The following NR5A2 variants were observed in gnomAD, a reference collection of about 807,000 sequenced individuals.
NR5A2 encodes the protein nuclear receptor subfamily 5 group A member 2.
NR5A2 carries 26 observed loss-of-function variants against 62.7 expected under a neutral mutation model. The ratio of observed to expected loss-of-function variants is 0.41; its 90% CI spans 0.30 to 0.58. The LOEUF (loss-of-function observed/expected upper bound fraction) is 0.58. NR5A2 is among the 20% of genes least tolerant of loss of function. NR5A2 has a pLI of 0.22. For synonymous variants in NR5A2, 246 were observed against 241.7 expected (o/e 1.02, Z -0.16); for missense variants, 541 against 669.1 (o/e 0.81, Z 2.11).
chr1:200,055,389 T>A (rs183917494), intron 5 of NR5A2, among the ~76,000 whole-genome samples: 23 of 151,616 alleles, frequency 1.5e-4, no homozygotes, highest in African/African-American at 5.6e-4. Flanking sequence ...AGAGATGGGG[T>A]TTCTCCATGT....
At chr1:200,030,097 C>A (rs948297738) in intron 1 of NR5A2, among the ~76,000 whole-genome samples, 5 of 152,112 alleles carry the variant, frequency 3.3e-5, no homozygotes, top group Admixed American at 6.5e-5. Flanking sequence ...GGTAGCCCCA[C>A]TGGGAAGAAC....
intron 1 of NR5A2, among the ~76,000 whole-genome samples, chr1:200,036,692 T>C (rs1661792891): frequency 6.6e-6 from 1 of 152,186 alleles, no homozygotes; most frequent in Non-Finnish European, 1.5e-5. Flanking sequence ...GAAATAGGGC[T>C]GCCCCCAGGG....
chr1:200,062,952 C>A (rs3006246), intron 5 of NR5A2, among the ~76,000 whole-genome samples: 58,447 of 151,760 alleles, frequency 0.39, 15,508 homozygotes, highest in African/African-American at 0.76. Context: ...AATAACAGCA[C>A]TATTGCTATT....
At chr1:200,051,050 T>G (rs1662606620) in intron 5 of NR5A2, among the ~76,000 whole-genome samples, 1 of 152,220 alleles carries the variant, frequency 6.6e-6, no homozygotes, top group Admixed American at 6.5e-5. Flanking sequence ...AGTAGTATGA[T>G]TTTGTTATAA....
chr1:200,037,478 C>T (rs1164196036), intron 1 of NR5A2, among the ~76,000 whole-genome samples: 2 of 152,146 alleles, frequency 1.3e-5, no homozygotes, highest in African/African-American at 4.8e-5. Context: ...GGAGGAGGTT[C>T]TTCTTAATTA....
rs1388279312 is a variant in NR5A2 at position 200,048,151 on chromosome 1, C to T, written c.464-21C>T. On this transcript the variant is annotated intron_variant, in intron 4 of 7. Coordinates refer to ENST00000367362, the MANE Select transcript of NR5A2 (RefSeq NM_205860.3). This position sits in a 1 kb window ranked among gnomAD's most constrained non-coding sequence, Gnocchi z 4.8. The stretch of plus-strand genomic sequence containing the variant: ...CCTTATTTATACCTTTCCTTCCTTC[C>T]CCCCACCCCACCCCCAACAGCTGTA... 1 of 1,569,136 alleles carries T rather than the reference C, an allele frequency of 6.4e-7. No individual in the cohort carries two copies. The highest frequency in any genetic ancestry group is 1.7e-4 in the Middle Eastern group (1 of 5,790).
At chr1:200,080,153 T>C (rs1041227347) in intron 5 of NR5A2, among the ~76,000 whole-genome samples, 5 of 152,186 alleles carry the variant, frequency 3.3e-5, no homozygotes, top group African/African-American at 1.2e-4. Flanking sequence ...GATCCATGAT[T>C]AATTTGCCTA....
At chr1:200,079,701 C>T (rs1445118751) in intron 5 of NR5A2, among the ~76,000 whole-genome samples, 8 of 152,222 alleles carry the variant, frequency 5.3e-5, no homozygotes, top group Non-Finnish European at 1.2e-4. Context: ...TTGCTGAGCT[C>T]TCCAACCTTT....
chr1:200,033,994 C>T (rs898131484), intron 1 of NR5A2, among the ~76,000 whole-genome samples: 4 of 152,208 alleles, frequency 2.6e-5, no homozygotes, highest in Admixed American at 1.3e-4. Context: ...TTGGATCCAT[C>T]CCCTCGCTGC....
intron 7 of NR5A2, among the ~76,000 whole-genome samples, chr1:200,141,604 T>G (rs945864478): frequency 4.6e-5 from 7 of 152,224 alleles, no homozygotes; most frequent in African/African-American, 1.7e-4. Flanking sequence ...AATATAAGTT[T>G]TCATTTCTCT....
At chr1:200,045,104 T>C (rs936050663) in intron 3 of NR5A2, among the ~76,000 whole-genome samples, 7 of 152,174 alleles carry the variant, frequency 4.6e-5, no homozygotes, top group African/African-American at 1.7e-4. Context: ...TGAGTACCTC[T>C]ATCAGGAACA....
At chr1:200,069,835 G>A (rs960075832) in intron 5 of NR5A2, among the ~76,000 whole-genome samples, 1 of 151,632 alleles carries the variant, frequency 6.6e-6, no homozygotes, top group Non-Finnish European at 1.5e-5. Context: ...CTAATTAAGA[G>A]GAACATTGGA....
chr1:200,119,905 G>T (rs548686185), intron 6 of NR5A2, among the ~76,000 whole-genome samples: 1 of 151,922 alleles, frequency 6.6e-6, no homozygotes, highest in South Asian at 2.1e-4. Flanking sequence ...CACCGTGCCC[G>T]GCCAGCACTT....
At chr1:200,065,937 T>C (rs767934616) in intron 5 of NR5A2, among the ~76,000 whole-genome samples, 12 of 152,044 alleles carry the variant, frequency 7.9e-5, no homozygotes, top group Non-Finnish European at 1.3e-4. Context: ...TAAAAATCAA[T>C]GATTGTGGGG....
intron 5 of NR5A2, among the ~76,000 whole-genome samples, chr1:200,087,339 T>C (rs1348219974): frequency 6.6e-6 from 1 of 152,148 alleles, no homozygotes; most frequent in Admixed American, 6.6e-5. Flanking sequence ...TCTTTCCTCA[T>C]GGAGTTTGTC....
intron 7 of NR5A2, among the ~76,000 whole-genome samples, chr1:200,128,815 C>T (rs1405901887): frequency 6.6e-6 from 1 of 152,100 alleles, no homozygotes; most frequent in Non-Finnish European, 1.5e-5. Context: ...TGCAATATGA[C>T]ACTGACATTG....
At chr1:200,082,367 T>C (rs1452797011) in intron 5 of NR5A2, among the ~76,000 whole-genome samples, 1 of 152,236 alleles carries the variant, frequency 6.6e-6, no homozygotes, top group Non-Finnish European at 1.5e-5. Flanking sequence ...AAAAAATATA[T>C]TTTGTTGCTG....
chr1:200,140,118 C>A (rs1453211210), intron 7 of NR5A2, among the ~76,000 whole-genome samples: 1 of 152,146 alleles, frequency 6.6e-6, no homozygotes, highest in Non-Finnish European at 1.5e-5. Context: ...ATAAATATGG[C>A]ATATATGACA....
intron 7 of NR5A2, among the ~76,000 whole-genome samples, chr1:200,137,077 C>T (rs933995916): frequency 5.9e-5 from 9 of 152,006 alleles, no homozygotes; most frequent in Non-Finnish European, 7.4e-5. Flanking sequence ...TCAAGCAGTC[C>T]GCCAGCCTCA....
Sources: gnomAD v4.1 joint callset for allele counts (sites outside exome capture counted in the v4.1 genomes callset) on GRCh38, gnomAD v4.1.1 for gene constraint, Gnocchi (gnomAD v3.1) non-coding constraint, MANE v1.5 for transcripts, NCBI Gene and HGNC (gene_info 2026-07-23, HGNC 2026-07-21) for gene names.